The following AKAP13 variants were observed in gnomAD, a reference collection of about 807,000 sequenced individuals.
The protein encoded by AKAP13 is A-kinase anchoring protein 13.
In AKAP13, 80 loss-of-function variants were observed where a neutral mutation model predicts 264.5. That is an observed-to-expected ratio of 0.30 (90% CI 0.25 to 0.36). The LOEUF is 0.36. Among genes scored for constraint, AKAP13 ranks in the 10% least tolerant of loss-of-function variants. The pLI, the probability that AKAP13 is intolerant of heterozygous loss-of-function variation, is 1.00. For synonymous variants in AKAP13, 1,380 were observed against 1,250.2 expected, an observed-to-expected ratio of 1.10 and a Z score of -2.19; for missense variants, 3,712 against 3,435.2, an observed-to-expected ratio of 1.08 and a Z score of -2.01.
At chr15:85,577,891 G>A in intron 6 of AKAP13, 1 of 896,930 alleles carries the variant, frequency 1.1e-6, no homozygotes, top group Non-Finnish European at 1.3e-6. Flanking sequence ...TAGGGCACAG[G>A]CACATTGGCT....
rs778424842 is a variant in AKAP13, at chr15:85,719,237, A to C, written c.6163A>C (p.Arg2055=). 1.9e-6 allele frequency: 3 copies of C among 1,614,212 alleles called. No individual in the cohort carries two copies. Among genetic ancestry groups the C allele is most frequent in the Non-Finnish European group, 2.5e-6 (3 of 1,180,048 alleles). The change falls in exon 23 of 37, where the codon AGG becomes CGG. Residue 2055 remains arginine, a synonymous_variant. Coordinates refer to ENST00000394518, the MANE Select transcript of AKAP13 (RefSeq NM_007200.5). The part of the protein sequence containing the change: ...LISIHSQFFQ[R]ILERKKESLV... Reference sequence around the variant, plus strand: ...CAGTATCCATAGCCAATTCTTCCAGAGGATTCTGGAGCGGAAGAAGGAGTC... The same window carrying C: ...CAGTATCCATAGCCAATTCTTCCAGCGGATTCTGGAGCGGAAGAAGGAGTC...
intron 1 of AKAP13, among the ~76,000 whole-genome samples, chr15:85,397,304 C>G (rs1049072253): frequency 6.6e-6 from 1 of 152,064 alleles, no homozygotes; most frequent in African/African-American, 2.4e-5. Flanking sequence ...TCTTTCACCC[C>G]CTCTGTGGTA....
Position 85,658,559 on chromosome 15 carries a change from G to A in AKAP13, c.4768G>A (p.Val1590Ile). ...CAGTTCAATGCGAGTTCTTGGGGATGTTGTCAGGAGACCTCCCATTCATAG... is the reference window on the plus strand; with the variant it reads ...CAGTTCAATGCGAGTTCTTGGGGATATTGTCAGGAGACCTCCCATTCATAG... ...HRSSMRVLGD[V>I]VRRPPIHRRS... Residue 1590 changes from valine to isoleucine, a missense_variant, in exon 12 of 37, where the codon GTT becomes ATT. Val to Ile is a conservative substitution (Grantham distance 29). Coordinates refer to ENST00000394518, the MANE Select transcript of AKAP13 (RefSeq NM_007200.5). 2 of 1,613,948 alleles carry A rather than the reference G, an allele frequency of 1.2e-6. No homozygotes were observed. Among genetic ancestry groups the A allele is most frequent in the Non-Finnish European group, 1.7e-6 (2 of 1,179,910 alleles).
At chr15:85,505,822 A>G (rs2076204802) in intron 2 of AKAP13, among the ~76,000 whole-genome samples, 1 of 152,208 alleles carries the variant, frequency 6.6e-6, no homozygotes, top group South Asian at 2.1e-4. Flanking sequence ...AGGTTAAATA[A>G]ATAAGGGTGA....
chr15:85,722,546 A>AG (rs1477368938), intron 25 of AKAP13, among the ~76,000 whole-genome samples, 199 bp downstream of exon 25: 1 of 152,246 alleles, frequency 6.6e-6, no homozygotes, highest in Non-Finnish European at 1.5e-5. Flanking sequence ...CAAGAAGGAA[A>AG]GGGAACACAT....
At chr15:85,426,689 C>G (rs1176177292) in intron 1 of AKAP13, among the ~76,000 whole-genome samples, 1 of 152,138 alleles carries the variant, frequency 6.6e-6, no homozygotes, top group Non-Finnish European at 1.5e-5. Flanking sequence ...AGCACAGTTT[C>G]TACTCAGTTA....
rs546813111 is a variant in AKAP13, at chr15:85,617,159, AAT to A, written c.4162-22212_4162-22211del. On this transcript the variant is annotated intron_variant, in intron 8 of 36. Transcript: ENST00000394518. ...TGCTTGCCTCCACTAGAAGTCACAA[AAT>A]ATCTGTTACATTGTTATAAATTATC... Among the ~76,000 whole-genome samples, 20 of 152,308 alleles carry A rather than the reference AAT, an allele frequency of 1.3e-4. No homozygotes were observed. The South Asian group carries it at 3.7e-3, about 28-fold the overall frequency.
At chr15:85,411,729 G>A (rs766175557) in intron 1 of AKAP13, among the ~76,000 whole-genome samples, 1 of 152,170 alleles carries the variant, frequency 6.6e-6, no homozygotes, top group Admixed American at 6.5e-5. Flanking sequence ...GAGCCACCGC[G>A]CCCGGCCAAC....
intron 8 of AKAP13, among the ~76,000 whole-genome samples, chr15:85,595,480 CAT>C (rs2079778383): frequency 6.6e-6 from 1 of 152,178 alleles, no homozygotes; most frequent in Admixed American, 6.6e-5. Flanking sequence ...AAAAAGCAAA[CAT>C]ATACAGATAT....
chr15:85,563,345 TTTTTTTTTTA>T (rs960346447), intron 5 of AKAP13, among the ~76,000 whole-genome samples: 11 of 139,544 alleles, frequency 7.9e-5, no homozygotes, highest in South Asian at 2.2e-4. Context: ...TTTTTTTTTT[TTTTTTTTTTA>T]AAGACGGAGA....
chr15:85,638,902 G>A (rs76417952), intron 8 of AKAP13, among the ~76,000 whole-genome samples: 2,737 of 152,006 alleles, frequency 0.018, 81 homozygotes, highest in African/African-American at 0.062. Flanking sequence ...GATTACAGGC[G>A]TGCACCACCA....
chr15:85,677,713 G>A (rs1289563629), intron 14 of AKAP13, among the ~76,000 whole-genome samples: 21 of 150,460 alleles, frequency 1.4e-4, no homozygotes, highest in Admixed American at 1.3e-3. Flanking sequence ...GTGCAGTGGC[G>A]CGATCTTGCC....
At chr15:85,693,254 G>T (rs775098614) in intron 16 of AKAP13, 23 bp from the exon 17 acceptor site, 23 of 1,581,756 alleles carry the variant, frequency 1.5e-5, no homozygotes, top group Non-Finnish European at 2.0e-5. Flanking sequence ...ATTAACTGTG[G>T]ATTATTTTCT....
intron 2 of AKAP13, among the ~76,000 whole-genome samples, chr15:85,512,286 C>CACACGTTTGGACCCAAGCA (rs2076451825): frequency 6.6e-6 from 1 of 152,156 alleles, no homozygotes; most frequent in Non-Finnish European, 1.5e-5. Flanking sequence ...CTGACTTTGT[C>CACACGTTTGGACCCAAGCA]ACACGTTTGG....
At chr15:85,469,369 A>G (rs2151019061) in intron 1 of AKAP13, among the ~76,000 whole-genome samples, 1 of 152,274 alleles carries the variant, frequency 6.6e-6, no homozygotes, top group South Asian at 2.1e-4. Context: ...TGCTATGTAC[A>G]GTGGATATTA....
rs972046224 is a variant in AKAP13 at position 85,693,160 on chromosome 15, C to G, written c.5290-117C>G. On this transcript the variant is annotated intron_variant, in intron 16 of 36. Transcript: ENST00000394518. ...ACACTTTGCCCAGAACTTTGTTTCT[C>G]ACTCCTTTCCAAAATAGTCACCAGC... 2.9e-6 allele frequency: 4 copies of G among 1,387,538 alleles called. No individual in the cohort carries two copies. The African/African-American group carries it at 6.0e-5, about 21-fold the overall frequency. The allele number at this position is 1,387,538 out of a possible 1,614,324, so 86.0% of individuals were successfully genotyped here.
intron 19 of AKAP13, among the ~76,000 whole-genome samples, chr15:85,713,734 C>T (rs537259476): frequency 6.6e-6 from 1 of 152,208 alleles, no homozygotes; most frequent in East Asian, 1.9e-4. Context: ...TATTAATGCT[C>T]ATTGAGTCAA....
At chr15:85,574,101 A>C (rs1488729028) in intron 5 of AKAP13, among the ~76,000 whole-genome samples, 1 of 152,254 alleles carries the variant, frequency 6.6e-6, no homozygotes, top group Non-Finnish European at 1.5e-5. Flanking sequence ...CACACTGTGT[A>C]TCAAACTAAT....
intron 8 of AKAP13, among the ~76,000 whole-genome samples, chr15:85,592,954 T>C (rs1396722227): frequency 1.3e-5 from 2 of 152,194 alleles, no homozygotes; most frequent in East Asian, 3.8e-4. Flanking sequence ...TGATCTGTGT[T>C]TTCTCCTTTG....
Sources: allele counts gnomAD v4.1 joint callset (sites outside exome capture counted in the v4.1 genomes callset), GRCh38; gene constraint gnomAD v4.1.1; transcripts MANE v1.5; gene names NCBI Gene and HGNC (gene_info 2026-07-23, HGNC 2026-07-21).